The following MACROH2A1 variants were observed in gnomAD, a reference collection of about 807,000 sequenced individuals.
MACROH2A1 encodes the protein core histone macro-H2A.1.
A neutral mutation model predicts 31.6 loss-of-function variants in MACROH2A1; 2 were observed. That is an observed-to-expected ratio of 0.06 (90% CI 0.03 to 0.20). The LOEUF (loss-of-function observed/expected upper bound fraction) is 0.20. Ranked by LOEUF, MACROH2A1 falls within the 10% of genes least tolerant of loss-of-function variation. The pLI is 1.00. For synonymous variants in MACROH2A1, 169 were observed against 189.6 expected, an observed-to-expected ratio of 0.89 and a Z score of 0.89; for missense variants, 230 against 474.0, an observed-to-expected ratio of 0.49 and a Z score of 4.78.
intron 6 of MACROH2A1, chr5:135,347,253 T>G (rs1760958335): frequency 6.6e-6 from 1 of 152,236 alleles, no homozygotes; most frequent in Non-Finnish European, 1.5e-5. Flanking sequence ...AGGGGTGAAC[T>G]AACCCCGGGA....
intron 4 of MACROH2A1, among the ~76,000 whole-genome samples, chr5:135,366,866 T>G (rs528205902): frequency 6.6e-6 from 1 of 152,156 alleles, no homozygotes; most frequent in Non-Finnish European, 1.5e-5. Flanking sequence ...AATTGAGGCA[T>G]AGAGAGGGAA....
intron 4 of MACROH2A1, among the ~76,000 whole-genome samples, chr5:135,364,258 G>C (rs1246817112): frequency 6.6e-6 from 1 of 152,172 alleles, no homozygotes; most frequent in East Asian, 1.9e-4. Flanking sequence ...GGGGCTGGGG[G>C]AAGGATAGCA....
Position 135,334,536 on chromosome 5 carries a change from G to C in MACROH2A1, c.*440C>G, listed in dbSNP as rs1758359041. On this transcript the variant is annotated 3_prime_UTR_variant, in exon 9 of 9. Coordinates refer to ENST00000511689, the MANE Select transcript of MACROH2A1 (RefSeq NM_138610.3). ...AAAATTAGGTCTGTTGCAAATTCAT[G>C]ATTCTTCTGAGGGGGGAAACCAAAA... The C allele has an allele frequency of 1.1e-5, 2 of 176,592 alleles. No individual in the cohort carries two copies. Among genetic ancestry groups the C allele is most frequent in the African/African-American group, 4.8e-5 (2 of 41,744 alleles). The allele number at this position is 176,592 out of a possible 1,614,324, so 10.9% of individuals were successfully genotyped here.
At chr5:135,386,355 A>G (rs920349796) in intron 2 of MACROH2A1, among the ~76,000 whole-genome samples, 26 of 152,366 alleles carry the variant, frequency 1.7e-4, no homozygotes, top group Admixed American at 1.2e-3. Flanking sequence ...GTTCCATGTT[A>G]GGGGCAGGCA....
At chr5:135,373,043 C>T (rs1581269991) in intron 2 of MACROH2A1, among the ~76,000 whole-genome samples, 1 of 152,206 alleles carries the variant, frequency 6.6e-6, no homozygotes, top group East Asian at 1.9e-4. Flanking sequence ...GGAGAATGCC[C>T]ACAGTGGTGA....
chr5:135,353,081 G>C, intron 5 of MACROH2A1, 36 bp from the exon 6 acceptor site: 1 of 1,314,696 alleles, frequency 7.6e-7, no homozygotes, highest in South Asian at 1.2e-5. Context: ...AATAACAGGA[G>C]AGCTGGGAAG....
At chr5:135,385,339 C>A (rs565244289) in intron 2 of MACROH2A1, among the ~76,000 whole-genome samples, 3 of 152,340 alleles carry the variant, frequency 2.0e-5, no homozygotes, top group East Asian at 1.9e-4. Flanking sequence ...CCTGTCTCCC[C>A]CCTTGCAGCA....
At chr5:135,356,124 A>G (rs1344189736) in intron 5 of MACROH2A1, 1 of 152,248 alleles carries the variant, frequency 6.6e-6, no homozygotes, top group African/African-American at 2.4e-5. Context: ...CAGCATGAGG[A>G]ATTTAAAGCA....
At chr5:135,339,835 A>C (rs1206788381) in intron 8 of MACROH2A1, among the ~76,000 whole-genome samples, 1 of 152,182 alleles carries the variant, frequency 6.6e-6, no homozygotes, top group East Asian at 1.9e-4. Flanking sequence ...CACTCCCCTG[A>C]GCTGTGCCCC....
At chr5:135,339,161 C>G (rs2149710305) in intron 8 of MACROH2A1, among the ~76,000 whole-genome samples, 1 of 152,344 alleles carries the variant, frequency 6.6e-6, no homozygotes, top group South Asian at 2.1e-4. Flanking sequence ...GACATCTGAG[C>G]TTTCCCTAAA....
chr5:135,367,052 T>G (rs966849356), intron 4 of MACROH2A1, among the ~76,000 whole-genome samples: 3 of 152,208 alleles, frequency 2.0e-5, no homozygotes, highest in African/African-American at 7.2e-5. Flanking sequence ...TGGGAAAAAT[T>G]ATGATTTGGA....
In MACROH2A1 at chr5:135,334,891, C is replaced by G; in HGVS notation, c.*85G>C. 1 of 1,157,398 alleles carries G rather than the reference C, an allele frequency of 8.6e-7. No individual in the cohort carries two copies. The highest frequency in any genetic ancestry group is 1.5e-5 in the African/African-American group (1 of 64,858). The allele number at this position is 1,157,398 out of a possible 1,614,324, so 71.7% of individuals were successfully genotyped here. On this transcript the variant is annotated 3_prime_UTR_variant, in exon 9 of 9. Coordinates refer to ENST00000511689, the MANE Select transcript of MACROH2A1 (RefSeq NM_138610.3). ...AAACTGAAAATGAAAGGGGTCCCAC[C>G]TCCCAGTAGGAGTGAAGGGGATTTT... is the stretch of plus-strand genomic sequence containing the variant.
Position 135,343,213 on chromosome 5 carries a change from CAG to C in MACROH2A1, c.953+45_953+46del, listed in dbSNP as rs1760223142. 4.3e-6 allele frequency: 7 copies of C among 1,610,006 alleles called. No homozygotes were observed. In the African/African-American group the frequency reaches 8.0e-5, roughly 18 times the overall value. ...ACCACAATTATGGGCCATGTGTGCG[CAG>C]AGAGACACACCCATGACCGATACGT... On this transcript the variant is annotated intron_variant, in intron 8 of 8. Coordinates refer to ENST00000511689, the MANE Select transcript of MACROH2A1 (RefSeq NM_138610.3).
upstream of MACROH2A1, chr5:135,399,700 A>G (rs889673944): frequency 2.6e-5 from 4 of 152,216 alleles, no homozygotes; most frequent in African/African-American, 9.7e-5. The surrounding 1 kb of genome is among the most constrained non-coding windows in gnomAD (Gnocchi z 4.5). Context: ...GTCTTTAGAT[A>G]CAGGCCACCG....
intron 1 of MACROH2A1, among the ~76,000 whole-genome samples, chr5:135,393,729 T>C (rs372721653): frequency 7.9e-5 from 12 of 152,240 alleles, no homozygotes; most frequent in African/African-American, 2.7e-4. Context: ...CTGTTCATCA[T>C]TGCACATTAG....
Position 135,384,039 on chromosome 5 carries a change from G to A in MACROH2A1, c.172+4883C>T, listed in dbSNP as rs187276376. On this transcript the variant is annotated intron_variant, in intron 2 of 8. Transcript: ENST00000511689. ...TTTGAGTGTCCCGGATAGGAAGGTG[G>A]TAAAGAGATTTGGGACTTATTTTCA... 2.6e-3 allele frequency among the ~76,000 whole-genome samples: 389 copies of A among 152,302 alleles called. 2 individuals are homozygous for A. Among genetic ancestry groups the A allele is most frequent in the African/African-American group, 9.0e-3 (372 of 41,558 alleles).
Position 135,334,718 on chromosome 5 carries a change from A to T in MACROH2A1, c.*258T>A. On this transcript the variant is annotated 3_prime_UTR_variant, in exon 9 of 9. Coordinates refer to ENST00000511689, the MANE Select transcript of MACROH2A1 (RefSeq NM_138610.3). ...GGGTTTCATTAAAATAAAACTATAAAATCTCCTAGGTTACACTAAGTCAGA... is the reference window on the plus strand; with the variant it reads ...GGGTTTCATTAAAATAAAACTATAATATCTCCTAGGTTACACTAAGTCAGA... The T allele has an allele frequency of 2.7e-6, 1 of 376,170 alleles. No homozygotes were observed. The highest frequency in any genetic ancestry group is 4.8e-6 in the Non-Finnish European group (1 of 207,354). 23.3% of individuals were successfully genotyped at this position (376,170 alleles called of 1,614,324 possible). A position where few individuals can be genotyped will look rare whatever the true frequency, so the allele number is the denominator to read the frequency against.
Position 135,378,588 on chromosome 5 carries a change from A to T in MACROH2A1, c.173-8446T>A, listed in dbSNP as rs10073099. Among the ~76,000 whole-genome samples, 648 of 152,290 alleles carry T rather than the reference A, an allele frequency of 4.3e-3. 5 individuals are homozygous for T. The highest frequency in any genetic ancestry group is 0.014 in the African/African-American group (592 of 41,550). On this transcript the variant is annotated intron_variant, in intron 2 of 8. Coordinates refer to ENST00000511689, the MANE Select transcript of MACROH2A1 (RefSeq NM_138610.3). ...TGAGGTGTACGGTGGCTGCTTCAAG[A>T]CAAAGGAAATGCCAAGTGGATGAAG...
intron 1 of MACROH2A1, among the ~76,000 whole-genome samples, chr5:135,393,309 C>G (rs183467061): frequency 5.5e-4 from 84 of 152,336 alleles, no homozygotes; most frequent in African/African-American, 1.9e-3. Context: ...GATCCATCAA[C>G]TAGAACTTAG....
Sources: allele counts gnomAD v4.1 joint callset (sites outside exome capture counted in the v4.1 genomes callset), GRCh38; gene constraint gnomAD v4.1.1; non-coding constraint Gnocchi (gnomAD v3.1); transcripts MANE v1.5; gene names NCBI Gene and HGNC (gene_info 2026-07-23, HGNC 2026-07-21).